Variants in POLR3B observed in about 807,000 individuals in gnomAD.
POLR3B encodes the protein RNA polymerase III subunit B, also known as DNA-directed RNA polymerase III subunit RPC2.
In POLR3B, 96 loss-of-function variants were observed where a neutral mutation model predicts 147.4. The ratio of observed to expected loss-of-function variants is 0.65; its 90% CI spans 0.55 to 0.77. The LOEUF (loss-of-function observed/expected upper bound fraction) is 0.77. Among genes scored for constraint, POLR3B ranks in the 30% least tolerant of loss-of-function variants. POLR3B has a pLI of 0.00. For synonymous variants in POLR3B, 461 were observed against 485.9 expected (o/e 0.95, Z 0.67); for missense variants, 1,036 against 1,413.5 (o/e 0.73, Z 4.28).
At chr12:106,360,409 T>C (rs1026146504) in intron 1 of POLR3B, among the ~76,000 whole-genome samples, 1 of 152,234 alleles carries the variant, frequency 6.6e-6, no homozygotes, top group Non-Finnish European at 1.5e-5. Flanking sequence ...CAGTTTCTTC[T>C]GGATCGCTCT....
Position 106,410,639 on chromosome 12 carries a change from G to A in POLR3B, c.967-187G>A, listed in dbSNP as rs1334596431. On this transcript the variant is annotated intron_variant, in intron 11 of 27. Transcript: ENST00000228347. ...ACAGAGGTACTCACAGGTTACTGAGGACAATGATGAAAAGTCATCATCTCA... is the reference window on the plus strand; with the variant it reads ...ACAGAGGTACTCACAGGTTACTGAGAACAATGATGAAAAGTCATCATCTCA... 4.8e-6 allele frequency: 3 copies of A among 620,226 alleles called. No homozygotes were observed. The African/African-American group carries it at 5.5e-5, about 11-fold the overall frequency. 38.4% of individuals were successfully genotyped at this position (620,226 alleles called of 1,614,324 possible). A position where few individuals can be genotyped will look rare whatever the true frequency, so the allele number is the denominator to read the frequency against.
intron 24 of POLR3B, 32 bp downstream of exon 24, chr12:106,496,190 G>A: frequency 7.8e-7 from 1 of 1,277,440 alleles, no homozygotes; most frequent in African/African-American, 1.5e-5. Context: ...CAGAGGCATT[G>A]CCTTTAAGGA....
rs747369925 is a variant in POLR3B at position 106,357,959 on chromosome 12, C to A, written c.72+8C>A. On this transcript the variant is annotated splice_region_variant and intron_variant, in intron 1 of 27. Transcript: ENST00000228347. ...CCGATCCCGACTGTAGAGGTCAGTG[C>A]CAGGCACGCAGGGAGCGTCAGGGAC... The A allele has an allele frequency of 6.2e-7, 1 of 1,612,104 alleles. No homozygotes were observed. Among genetic ancestry groups the A allele is most frequent in the Admixed American group, 1.7e-5 (1 of 60,004 alleles).
chr12:106,391,952 C>G (rs1271396991), intron 9 of POLR3B, among the ~76,000 whole-genome samples: 1 of 152,124 alleles, frequency 6.6e-6, no homozygotes, highest in Non-Finnish European at 1.5e-5. Context: ...TAACTTTTCC[C>G]CTCACTTCTA....
rs760981624 is a variant in POLR3B at position 106,496,743 on chromosome 12, A to G, written c.2818-9A>G. 1.2e-5 allele frequency: 19 copies of G among 1,613,980 alleles called. No homozygotes were observed. In the East Asian group the frequency reaches 4.0e-4, roughly 34 times the overall value. On this transcript the variant is annotated splice_polypyrimidine_tract_variant and intron_variant, in intron 24 of 27. Coordinates refer to ENST00000228347, the MANE Select transcript of POLR3B (RefSeq NM_018082.6). Reference sequence around the variant, plus strand: ...GGAGGTGCTCACTTAATTTGTTCACATCCTGCAGGTGGGGAAGCTCATTGA... The same window carrying G: ...GGAGGTGCTCACTTAATTTGTTCACGTCCTGCAGGTGGGGAAGCTCATTGA...
At chr12:106,393,491 TTGTGTG>T (rs71072674) in intron 10 of POLR3B, among the ~76,000 whole-genome samples, 7,858 of 141,382 alleles carry the variant, frequency 0.056, 252 homozygotes, top group East Asian at 0.12. Context: ...TGTACAGGTT[TTGTGTG>T]TGTGTGTGTG....
rs990964236 is a variant in POLR3B, at chr12:106,376,350, T to C, written c.405-9T>C. On this transcript the variant is annotated splice_polypyrimidine_tract_variant and intron_variant, in intron 6 of 27. Coordinates refer to ENST00000228347, the MANE Select transcript of POLR3B (RefSeq NM_018082.6). ...CATGTGATATTTTCTTTTGTTTTAT[T>C]TTATACAGAATGCCCATAATGCTAC... The C allele has an allele frequency of 6.3e-7, 1 of 1,597,126 alleles. No homozygotes were observed. The highest frequency in any genetic ancestry group is 8.6e-7 in the Non-Finnish European group (1 of 1,166,636).
chr12:106,398,045 C>T (rs1226697294), intron 10 of POLR3B, among the ~76,000 whole-genome samples: 1 of 152,214 alleles, frequency 6.6e-6, no homozygotes, highest in Non-Finnish European at 1.5e-5. Flanking sequence ...ATCACCTCAC[C>T]CAGGAAGCAC....
intron 19 of POLR3B, among the ~76,000 whole-genome samples, chr12:106,448,235 G>A (rs563928851): frequency 1.8e-4 from 28 of 151,898 alleles, no homozygotes; most frequent in Non-Finnish European, 2.6e-4. Flanking sequence ...GAATGTTAGC[G>A]ATGAATATAT....
At chr12:106,415,485 T>C (rs865782531) in intron 12 of POLR3B, among the ~76,000 whole-genome samples, 2 of 152,244 alleles carry the variant, frequency 1.3e-5, no homozygotes, top group South Asian at 4.1e-4. Flanking sequence ...ACTAAAGATA[T>C]GGTAACTTAG....
chr12:106,388,449 C>T (rs958189896), intron 9 of POLR3B, among the ~76,000 whole-genome samples: 2 of 152,150 alleles, frequency 1.3e-5, no homozygotes, highest in Non-Finnish European at 2.9e-5. Flanking sequence ...TCCCAAGTAG[C>T]TGGGATTACA....
chr12:106,435,509 C>A (rs1220549399), intron 16 of POLR3B, among the ~76,000 whole-genome samples: 1 of 151,782 alleles, frequency 6.6e-6, no homozygotes, highest in South Asian at 2.1e-4. Context: ...ATTGGTTTCT[C>A]TTCTTTGCAA....
At chr12:106,446,417 C>CAAAAAAAAAA (rs10654233) in intron 19 of POLR3B, 3 of 158,506 alleles carry the variant, frequency 1.9e-5, no homozygotes, top group South Asian at 9.5e-5. Flanking sequence ...CCTCTCCCCA[C>CAAAAAAAAAA]AAAAAAAAAA....
intron 25 of POLR3B, among the ~76,000 whole-genome samples, chr12:106,498,743 GC>G (rs1452859990): frequency 6.6e-6 from 1 of 152,142 alleles, no homozygotes; most frequent in African/African-American, 2.4e-5. Flanking sequence ...AGACCACCAT[GC>G]CCAGCTAGTT....
rs112684092 is a variant in POLR3B at position 106,398,936 on chromosome 12, C to T, written c.846+5783C>T. Reference sequence around the variant, plus strand: ...TAAAAATCACAGCACCTCTCCTCCTCCAAAGGAACGCAGCTCCTCACCAGC... The same window carrying T: ...TAAAAATCACAGCACCTCTCCTCCTTCAAAGGAACGCAGCTCCTCACCAGC... On this transcript the variant is annotated intron_variant, in intron 10 of 27. Coordinates refer to ENST00000228347, the MANE Select transcript of POLR3B (RefSeq NM_018082.6). 1.6e-4 allele frequency among the ~76,000 whole-genome samples: 24 copies of T among 152,286 alleles called. 1 individual carries two copies. Among genetic ancestry groups the T allele is most frequent in the African/African-American group, 5.5e-4 (23 of 41,548 alleles).
intron 10 of POLR3B, among the ~76,000 whole-genome samples, chr12:106,401,137 G>C (rs950997613): frequency 1.3e-5 from 2 of 152,086 alleles, no homozygotes; most frequent in African/African-American, 4.8e-5. Flanking sequence ...AGTGATAAAG[G>C]GGATATCACC....
chr12:106,454,825 G>C, intron 20 of POLR3B, 114 bp downstream of exon 20: 1 of 709,074 alleles, frequency 1.4e-6, no homozygotes, highest in South Asian at 1.5e-5. Context: ...TGAATTTTAT[G>C]ATATAGAAAC....
chr12:106,368,158 G>T (rs1221927254), intron 4 of POLR3B, among the ~76,000 whole-genome samples: 1 of 151,426 alleles, frequency 6.6e-6, no homozygotes, highest in Admixed American at 6.6e-5. Context: ...CTTTCAAGAT[G>T]CCACCATTAT....
At chr12:106,395,838 T>A (rs1011109949) in intron 10 of POLR3B, among the ~76,000 whole-genome samples, 1 of 151,938 alleles carries the variant, frequency 6.6e-6, no homozygotes, top group Non-Finnish European at 1.5e-5. Context: ...GGCGTGGTGG[T>A]GGGTGCCTGT....
Sources: gnomAD v4.1 joint callset for allele counts (sites outside exome capture counted in the v4.1 genomes callset) on GRCh38, gnomAD v4.1.1 for gene constraint, MANE v1.5 for transcripts, NCBI Gene and HGNC (gene_info 2026-07-23, HGNC 2026-07-21) for gene names.